Variants in PI4KB observed in about 807,000 individuals in gnomAD.
PI4KB encodes the protein PtdIns 4-kinase beta.
PI4KB carries 23 observed loss-of-function variants against 81.4 expected under a neutral mutation model. The observed-to-expected ratio is 0.28, with a 90% confidence interval of 0.20 to 0.40. The LOEUF is 0.40. Among genes scored for constraint, PI4KB ranks in the 10% least tolerant of loss-of-function variants. The pLI, the probability that PI4KB is intolerant of heterozygous loss-of-function variation, is 1.00. For missense variants in PI4KB, 651 were observed against 1,036.6 expected, an observed-to-expected ratio of 0.63 and a Z score of 5.11; for synonymous variants, 381 against 406.8, an observed-to-expected ratio of 0.94 and a Z score of 0.76.
chr1:151,299,145 C>A, intron 8 of PI4KB, 72 bp from the exon 9 acceptor site: 2 of 1,350,054 alleles, frequency 1.5e-6, no homozygotes, highest in Non-Finnish European at 2.1e-6. Context: ...AAACTCTTCC[C>A]TTTCTCCAGC....
intron 2 of PI4KB, among the ~76,000 whole-genome samples, chr1:151,315,154 T>A (rs4971031): frequency 0.55 from 82,673 of 151,682 alleles, 23,964 homozygotes; most frequent in Non-Finnish European, 0.65. Context: ...AATTTTTGTA[T>A]TTTTAGTAGA....
At chr1:151,297,365 T>C (rs1399610348) in intron 9 of PI4KB, among the ~76,000 whole-genome samples, 1 of 132,126 alleles carries the variant, frequency 7.6e-6, no homozygotes, top group Non-Finnish European at 1.7e-5. Context: ...TTTTTTTTTT[T>C]GAGACTCGCT....
chr1:151,298,782 T>G, intron 9 of PI4KB, 26 bp downstream of exon 9: 1 of 1,603,014 alleles, frequency 6.2e-7, no homozygotes, highest in Non-Finnish European at 8.5e-7. Flanking sequence ...GGAGAAATGT[T>G]AGGATGAGCA....
intron 1 of PI4KB, among the ~76,000 whole-genome samples, chr1:151,320,108 A>G (rs1648627124): frequency 6.6e-6 from 1 of 152,106 alleles, no homozygotes; most frequent in Admixed American, 6.6e-5. Flanking sequence ...ATCTTGGCTC[A>G]CTGCAAGCTC....
In PI4KB at chr1:151,316,355, T is replaced by TCAC. The variant is rs762559904; in HGVS notation, c.124_126dup (p.Val42dup). 4.3e-6 allele frequency: 7 copies of TCAC among 1,612,358 alleles called. No individual in the cohort carries two copies. The South Asian group carries it at 4.4e-5, about 10-fold the overall frequency. On this transcript the variant is annotated inframe_insertion, in exon 2 of 12. Transcript: ENST00000368873. ...GCCTTCTGGGCCACCTCAGGGTCAA[T>TCAC]CACTGATAGTTCCCCGACCCCCTCC...
chr1:151,314,097 T>A (rs1438883259), intron 2 of PI4KB, among the ~76,000 whole-genome samples: 1 of 152,242 alleles, frequency 6.6e-6, no homozygotes, highest in Non-Finnish European at 1.5e-5. Flanking sequence ...CCTAACAAAA[T>A]TCCAAATTTC....
At chr1:151,327,622 C>T (rs1649852468), upstream of PI4KB, 1 of 379,000 alleles carries the variant, frequency 2.6e-6, no homozygotes, top group Non-Finnish European at 4.7e-6. Flanking sequence ...TCCTGCTTCC[C>T]CAGCGGTCAG....
Position 151,327,389 on chromosome 1 carries a change from G to A in PI4KB, c.-147C>T. On this transcript the variant is annotated 5_prime_UTR_variant, in exon 1 of 12. Coordinates refer to ENST00000368873, the MANE Select transcript of PI4KB (RefSeq NM_001369623.2). ...GGCCGCCTGCGCTTCCCTGACAGCGGCCGCGGAGGCTGCACCAGGCCCCGG... is the reference window on the plus strand; with the variant it reads ...GGCCGCCTGCGCTTCCCTGACAGCGACCGCGGAGGCTGCACCAGGCCCCGG... 2 of 397,850 alleles carry A rather than the reference G, an allele frequency of 5.0e-6. No individual in the cohort carries two copies. Among genetic ancestry groups the A allele is most frequent in the Non-Finnish European group, 8.9e-6 (2 of 225,606 alleles). 24.6% of individuals were successfully genotyped at this position (397,850 alleles called of 1,614,324 possible).
At chr1:151,299,114 C>T in intron 8 of PI4KB, 41 bp from the exon 9 acceptor site, 1 of 1,582,420 alleles carries the variant, frequency 6.3e-7, no homozygotes, top group Non-Finnish European at 8.7e-7. Flanking sequence ...TTATCTTTCT[C>T]CAAACTAGAG....
At chr1:151,327,556 C>T (rs1224677548), upstream of PI4KB, 5 of 391,912 alleles carry the variant, frequency 1.3e-5, no homozygotes, top group Non-Finnish European at 2.2e-5. Flanking sequence ...CAGCAGGTCT[C>T]GATGTAGTAT....
Position 151,299,053 on chromosome 1 carries a change from T to A in PI4KB, c.1770A>T (p.Arg590=), listed in dbSNP as rs770225994. 6.2e-7 allele frequency: 1 copy of A among 1,614,074 alleles called. No individual in the cohort carries two copies. The highest frequency in any genetic ancestry group is 8.5e-7 in the Non-Finnish European group (1 of 1,179,932). ...TGTATGGCTTGATCCAAAGGGGCAC[T>A]CGCTCCTGTTCCCAAATGGACTGTG... ...KQLQSIWEQE[R]VPLWIKPYKI... Residue 590 remains arginine (R), a synonymous_variant, in exon 9 of 12, where the codon CGA becomes CGT. Transcript: ENST00000368873.
intron 1 of PI4KB, 55 bp downstream of exon 1, chr1:151,327,216 A>ACGGGGCCCCCCCCCC: frequency 9.7e-6 from 1 of 102,622 alleles, no homozygotes; most frequent in Non-Finnish European, 1.8e-5. Context: ...TGGGAGAGGG[A>ACGGGGCCCCCCCCCC]CCCCCCCCCC....
At chr1:151,312,584 G>A (rs1240865081) in intron 2 of PI4KB, among the ~76,000 whole-genome samples, 1 of 152,156 alleles carries the variant, frequency 6.6e-6, no homozygotes, top group Non-Finnish European at 1.5e-5. Flanking sequence ...CACAGCTCAC[G>A]GCTTTGGACA....
intron 9 of PI4KB, among the ~76,000 whole-genome samples, chr1:151,296,707 C>T (rs182736833): frequency 4.6e-5 from 7 of 151,696 alleles, no homozygotes; most frequent in African/African-American, 1.7e-4. Flanking sequence ...TGACCTCAGG[C>T]GATTTGCCCA....
chr1:151,298,569 GCTCA>G, intron 9 of PI4KB: 2 of 545,616 alleles, frequency 3.7e-6, no homozygotes, highest in Non-Finnish European at 3.3e-6. Flanking sequence ...TGAAGACCCT[GCTCA>G]CTCAAACCCT....
intron 1 of PI4KB, 91 bp downstream of exon 1, chr1:151,327,180 G>A (rs2102038440): frequency 2.5e-6 from 1 of 395,002 alleles, no homozygotes; most frequent in East Asian, 3.6e-5. Context: ...GTCGAACTCA[G>A]GTGGGGAAGA....
chr1:151,307,726 T>C lies in PI4KB; in HGVS notation c.1030A>G (p.Thr344Ala). 1 of 1,614,042 alleles carries C rather than the reference T, an allele frequency of 6.2e-7. No homozygotes were observed. The highest frequency in any genetic ancestry group is 8.5e-7 in the Non-Finnish European group (1 of 1,179,978). Residue 344 changes from threonine to alanine, a missense_variant, in exon 4 of 12, where the codon ACC becomes GCC. This residue lies in a region of PI4KB where 246 missense variants were observed against 430.1 expected (regional missense o/e 0.57). Transcript: ENST00000368873. ...AGCCTCTGTGTTTTCTGCTCTTTGG[T>C]GGGGAGCGTGGCCAGCCGCTTGCCG... ...AIGKRLATLP[T>A]KEQKTQRLIS... is the part of the protein sequence containing the mutation.
chr1:151,309,234 AT>A (rs1696016166), intron 3 of PI4KB, among the ~76,000 whole-genome samples: 1 of 152,158 alleles, frequency 6.6e-6, no homozygotes, highest in Non-Finnish European at 1.5e-5. Context: ...ATGGCAACTG[AT>A]CTCTGTCCCA....
intron 11 of PI4KB, chr1:151,293,324 A>C: frequency 7.3e-7 from 1 of 1,372,068 alleles, no homozygotes; most frequent in Non-Finnish European, 9.6e-7. Context: ...GGCTGGGAGG[A>C]GGCTGGAGGG....
Sources: gnomAD v4.1 joint callset for allele counts (sites outside exome capture counted in the v4.1 genomes callset) on GRCh38, gnomAD v4.1.1 for gene constraint, gnomAD v4.1.1 regional missense constraint, MANE v1.5 for transcripts, NCBI Gene and HGNC (gene_info 2026-07-23, HGNC 2026-07-21) for gene names.